KIF11: variants seen among roughly 807,000 people sequenced by gnomAD.
KIF11 encodes kinesin family member 11.
KIF11 carries 9 observed loss-of-function variants against 121.0 expected under a neutral mutation model. The observed-to-expected ratio is 0.07, with a 90% CI of 0.04 to 0.13. The LOEUF (loss-of-function observed/expected upper bound fraction) is 0.13, where lower values mean the gene tolerates loss of function less well. Among genes scored for constraint, KIF11 ranks in the 10% least tolerant of loss-of-function variants. The pLI is 1.00. For synonymous variants in KIF11, 408 were observed against 421.0 expected, an observed-to-expected ratio of 0.97 and a Z score of 0.38; for missense variants, 846 against 1,217.5, an observed-to-expected ratio of 0.69 and a Z score of 4.54.
chr10:92,609,585 G>A, intron 6 of KIF11, 76 bp downstream of exon 6: 1 of 1,436,164 alleles, frequency 7.0e-7, no homozygotes, highest in South Asian at 1.4e-5. Context: ...AGTCAAATTG[G>A]GGTGGGTCAG....
intron 18 of KIF11, 94 bp downstream of exon 18, chr10:92,645,736 T>C (rs1589607011): frequency 2.0e-6 from 2 of 990,118 alleles, no homozygotes; most frequent in East Asian, 2.5e-5. Context: ...ACAAATGATA[T>C]TTTAAGCTAT....
rs186681226 is a variant in KIF11, at chr10:92,608,587, T to C, written c.388-433T>C. Among the ~76,000 whole-genome samples the C allele has an allele frequency of 2.2e-4, 34 of 152,236 alleles. No homozygotes were observed. In the East Asian group the frequency reaches 3.7e-3, roughly 16 times the overall value. ...CTGAGTAGCTGGGACTACAGGTACA[T>C]ACCACCAAGTCCGGCTAATTTTTGT... On this transcript the variant is annotated intron_variant, in intron 4 of 21. Transcript: ENST00000260731.
At chr10:92,611,207 A>G (rs1844491386) in intron 6 of KIF11, among the ~76,000 whole-genome samples, 2 of 151,286 alleles carry the variant, frequency 1.3e-5, no homozygotes, top group African/African-American at 4.9e-5. Flanking sequence ...GATGAATAGT[A>G]TTATTATTAT....
Position 92,593,147 on chromosome 10 carries a change from G to C in KIF11, c.-229G>C, listed in dbSNP as rs1018548429. 2 of 509,314 alleles carry C rather than the reference G, an allele frequency of 3.9e-6. No individual in the cohort carries two copies. Among genetic ancestry groups the C allele is most frequent in the Non-Finnish European group, 3.5e-6 (1 of 283,582 alleles). 31.5% of individuals were successfully genotyped at this position (509,314 alleles called of 1,614,324 possible). A position where few individuals can be genotyped will look rare whatever the true frequency, so the allele number is the denominator to read the frequency against. Reference sequence around the variant, plus strand: ...CGTTGCTTAGTTTCTGGGGATTCGGGCGGAGACGAGATTAGTGATTTGGCG... The same window carrying C: ...CGTTGCTTAGTTTCTGGGGATTCGGCCGGAGACGAGATTAGTGATTTGGCG... On this transcript the variant is annotated 5_prime_UTR_variant, in exon 1 of 22. Coordinates refer to ENST00000260731, the MANE Select transcript of KIF11 (RefSeq NM_004523.4).
Position 92,609,522 on chromosome 10 carries a change from T to C in KIF11, c.698+13T>C, listed in dbSNP as rs767404022. On this transcript the variant is annotated intron_variant, in intron 6 of 21. Transcript: ENST00000260731. ...ATGCATACTCTAGGTAAGAAAGCCA[T>C]AGTCTCTTCCCTAGCCCCATTTTCT... 1 of 1,597,434 alleles carries C rather than the reference T, an allele frequency of 6.3e-7. No homozygotes were observed. The highest frequency in any genetic ancestry group is 8.5e-7 in the Non-Finnish European group (1 of 1,175,008).
chr10:92,613,623 A>G lies in KIF11; in HGVS notation c.1032+4A>G, dbSNP rs1299697931. ...TCCTGCATCTCTCAATCTTGAGGTA[A>G]GCCCTTTGAAAGGAAGCTGCAAGTG... is the stretch of plus-strand genomic sequence containing the variant. On this transcript the variant is annotated splice_donor_region_variant and intron_variant, in intron 8 of 21. Coordinates refer to ENST00000260731, the MANE Select transcript of KIF11 (RefSeq NM_004523.4). This position sits in a 1 kb window ranked among gnomAD's most constrained non-coding sequence, Gnocchi z 4.2. The G allele has an allele frequency of 1.2e-6, 2 of 1,602,900 alleles. No homozygotes were observed. The highest frequency in any genetic ancestry group is 4.5e-5 in the East Asian group (2 of 44,770).
Position 92,628,872 on chromosome 10 carries a change from G to A in KIF11, c.1282G>A (p.Ala428Thr). 6.3e-7 allele frequency: 1 copy of A among 1,598,924 alleles called. No homozygotes were observed. Residue 428 changes from alanine (A) to threonine (T), a missense_variant, in exon 11 of 22, where the codon GCT becomes ACT. Coordinates refer to ENST00000260731, the MANE Select transcript of KIF11 (RefSeq NM_004523.4). ...QIVELIEKIG[A>T]VEEELNRVTE... ...TGTAGAATTGATTGAAAAAATTGGT[G>A]CTGTTGAGGAGGAGCTGAATAGGGT...
Position 92,628,875 on chromosome 10 carries a change from G to T in KIF11, c.1285G>T (p.Val429Phe), listed in dbSNP as rs759666788. ...IVELIEKIGAVEEELNRVTEL... is the reference protein window; with the variant it reads ...IVELIEKIGAFEEELNRVTEL... ...AGAATTGATTGAAAAAATTGGTGCT[G>T]TTGAGGAGGAGCTGAATAGGGTAAG... is the stretch of plus-strand genomic sequence containing the variant. The change falls in exon 11 of 22, where the codon GTT (valine) becomes TTT (phenylalanine). Residue 429 changes from valine (V) to phenylalanine (F), a missense_variant. By Grantham distance (50) the Val-to-Phe change is conservative (BLOSUM62 -1). This residue lies in a region of KIF11 where 95 missense variants were observed against 109.3 expected (regional missense o/e 0.87). Coordinates refer to ENST00000260731, the MANE Select transcript of KIF11 (RefSeq NM_004523.4). The T allele has an allele frequency of 6.3e-7, 1 of 1,593,136 alleles. No individual in the cohort carries two copies.
In KIF11 at chr10:92,645,486, T is replaced by C. The variant is rs577542856; in HGVS notation, c.2391T>C (p.Ser797=). 16 of 1,614,144 alleles carry C rather than the reference T, an allele frequency of 9.9e-6. No individual in the cohort carries two copies. In the African/African-American group the frequency reaches 2.1e-4, roughly 22 times the overall value. The part of the protein sequence containing the change: ...NQEGTKLVEE[S]VKHSDKLNGN... ...AAGGTACAAAATTGGTTGAAGAATCTGTGAAACACTCTGATAAACTCAATG... is the reference window on the plus strand; with the variant it reads ...AAGGTACAAAATTGGTTGAAGAATCCGTGAAACACTCTGATAAACTCAATG... Residue 797 remains serine, a synonymous_variant, in exon 18 of 22, where the codon TCT becomes TCC. Coordinates refer to ENST00000260731, the MANE Select transcript of KIF11 (RefSeq NM_004523.4).
intron 9 of KIF11, among the ~76,000 whole-genome samples, chr10:92,619,579 A>G (rs1844596487): frequency 1.3e-5 from 2 of 152,082 alleles, no homozygotes; most frequent in South Asian, 4.1e-4. Flanking sequence ...CTGTTTTTCA[A>G]ATTGGCTGTA....
chr10:92,612,972 C>T, intron 6 of KIF11, 68 bp from the exon 7 acceptor site: 2 of 831,008 alleles, frequency 2.4e-6, no homozygotes, highest in Admixed American at 2.4e-5. Flanking sequence ...TTCCTGTTTT[C>T]AGTATTTCAG....
intron 2 of KIF11, 96 bp downstream of exon 2, chr10:92,606,493 G>C (rs941186252): frequency 4.0e-6 from 5 of 1,242,940 alleles, no homozygotes; most frequent in Non-Finnish European, 5.5e-6. Context: ...AGAAATTTCA[G>C]TTGTCTCTGA....
At chr10:92,628,634 T>G (rs778098739) in intron 10 of KIF11, among the ~76,000 whole-genome samples, 174 bp from the exon 11 acceptor site, 1 of 152,232 alleles carries the variant, frequency 6.6e-6, no homozygotes, top group Non-Finnish European at 1.5e-5. Flanking sequence ...ATTTGTTCTT[T>G]GTAATTTGTA....
chr10:92,622,378 G>A (rs1844628309), intron 10 of KIF11, among the ~76,000 whole-genome samples: 1 of 152,206 alleles, frequency 6.6e-6, no homozygotes, highest in South Asian at 2.1e-4. Flanking sequence ...ACTTTGGGAG[G>A]CTGAGGCAGG....
intron 9 of KIF11, among the ~76,000 whole-genome samples, chr10:92,618,377 G>T (rs1180618370): frequency 6.6e-6 from 1 of 151,502 alleles, no homozygotes; most frequent in Non-Finnish European, 1.5e-5. Context: ...AGGCACGGTG[G>T]CTCATGCCTG....
chr10:92,633,155 G>GA (rs1844757765), intron 13 of KIF11, among the ~76,000 whole-genome samples: 2 of 151,778 alleles, frequency 1.3e-5, no homozygotes, highest in Admixed American at 1.3e-4. Context: ...TCTCCCTTTA[G>GA]AAAAAAGTAT....
At chr10:92,633,973 A>T (rs979699413) in intron 14 of KIF11, among the ~76,000 whole-genome samples, 178 bp downstream of exon 14, 4 of 152,014 alleles carry the variant, frequency 2.6e-5, no homozygotes, top group South Asian at 2.1e-4. Context: ...ATATATATAT[A>T]TTTTGTTTTG....
intron 21 of KIF11, among the ~76,000 whole-genome samples, chr10:92,650,947 G>A (rs979505431): frequency 5.3e-5 from 8 of 152,070 alleles, no homozygotes; most frequent in Admixed American, 2.0e-4. Context: ...TCCTGCCTGA[G>A]GCTCTTCTCT....
chr10:92,609,524 G>A lies in KIF11; in HGVS notation c.698+15G>A. On this transcript the variant is annotated intron_variant, in intron 6 of 21. Transcript: ENST00000260731. ...GCATACTCTAGGTAAGAAAGCCATA[G>A]TCTCTTCCCTAGCCCCATTTTCTTT... is the stretch of plus-strand genomic sequence containing the variant. The A allele has an allele frequency of 6.3e-7, 1 of 1,596,118 alleles. No homozygotes were observed. Among genetic ancestry groups the A allele is most frequent in the Non-Finnish European group, 8.5e-7 (1 of 1,174,438 alleles).
Sources: allele counts gnomAD v4.1 joint callset (sites outside exome capture counted in the v4.1 genomes callset), GRCh38; gene constraint gnomAD v4.1.1; regional missense constraint gnomAD v4.1.1; non-coding constraint Gnocchi (gnomAD v3.1); transcripts MANE v1.5; gene names NCBI Gene and HGNC (gene_info 2026-07-23, HGNC 2026-07-21).